Variants in ABCB1 observed in about 807,000 individuals in gnomAD.
The protein encoded by ABCB1 is ATP-dependent translocase ABCB1.
Under a neutral mutation model 142.0 loss-of-function variants are expected in ABCB1, and 69 were observed. The observed-to-expected ratio is 0.49, with a 90% CI of 0.40 to 0.59. The LOEUF is 0.59. Ranked by LOEUF, ABCB1 falls within the 20% of genes least tolerant of loss-of-function variation. ABCB1 has a pLI of 0.00. For missense variants in ABCB1, 1,326 were observed against 1,554.7 expected (o/e 0.85, Z 2.47); for synonymous variants, 532 against 539.2 (o/e 0.99, Z 0.18).
chr7:87,575,404 C>T (rs1818231855), intron 4 of ABCB1, among the ~76,000 whole-genome samples: 1 of 152,060 alleles, frequency 6.6e-6, no homozygotes, highest in African/African-American at 2.4e-5. Context: ...AGAATGAGAG[C>T]CACTTTCTCT....
rs1417543991 is a variant in ABCB1 at position 87,503,523 on chromosome 7, A to G, written c.*720T>C. 6.6e-6 allele frequency: 1 copy of G among 152,232 alleles called. No individual in the cohort carries two copies. Among genetic ancestry groups the G allele is most frequent in the Non-Finnish European group, 1.5e-5 (1 of 68,048 alleles). 9.4% of individuals were successfully genotyped at this position (152,232 alleles called of 1,614,324 possible). The stretch of plus-strand genomic sequence containing the variant: ...CCTTAAAGAACCCTTTATAAAAGCA[A>G]TGCAAAGTATTTACTATACATCTGA... On this transcript the variant is annotated 3_prime_UTR_variant, in exon 28 of 28. Transcript: ENST00000622132.
chr7:87,594,169 A>G (rs1005478811), intron 3 of ABCB1, among the ~76,000 whole-genome samples: 1 of 152,212 alleles, frequency 6.6e-6, no homozygotes, highest in Admixed American at 6.5e-5. Context: ...TAAGTAGTAG[A>G]GTACTTCATC....
chr7:87,590,487 G>T (rs980473588), intron 3 of ABCB1, among the ~76,000 whole-genome samples: 3 of 152,182 alleles, frequency 2.0e-5, no homozygotes, highest in African/African-American at 7.2e-5. Flanking sequence ...GGTTTAGATT[G>T]GCTGGTCAGA....
intron 1 of ABCB1, chr7:87,627,682 T>G (rs1584937637): frequency 6.6e-6 from 1 of 152,210 alleles, no homozygotes; most frequent in East Asian, 1.9e-4. Flanking sequence ...GTTCCAGGAC[T>G]CTGAGGGAGC....
chr7:87,525,577 A>C (rs1347945961), intron 21 of ABCB1, among the ~76,000 whole-genome samples: 8 of 152,256 alleles, frequency 5.3e-5, no homozygotes, highest in Admixed American at 5.2e-4. Flanking sequence ...TAATAAAGTA[A>C]GCTAGAGGGA....
chr7:87,694,707 G>A (rs1283514132), intron 1 of ABCB1, among the ~76,000 whole-genome samples: 1 of 152,018 alleles, frequency 6.6e-6, no homozygotes, highest in African/African-American at 2.4e-5. Context: ...CGTCATGTAC[G>A]ATTTCATTCC....
At chr7:87,583,978 T>C (rs140584864) in intron 4 of ABCB1, among the ~76,000 whole-genome samples, 192 of 152,282 alleles carry the variant, frequency 1.3e-3, no homozygotes, top group African/African-American at 4.2e-3. Flanking sequence ...TAGGAACTAA[T>C]GAATTCAGAA....
intron 1 of ABCB1, among the ~76,000 whole-genome samples, chr7:87,626,336 G>GTGTCATATATATGTGTCATA (rs1820528696): frequency 1.6e-4 from 2 of 12,158 alleles, no homozygotes; most frequent in African/African-American, 5.3e-4. Flanking sequence ...TATATGTGTC[G>GTGTCATATATATGTGTCATA]TATATGTGTC....
chr7:87,668,107 T>C (rs1825450654), intron 1 of ABCB1, among the ~76,000 whole-genome samples: 1 of 151,724 alleles, frequency 6.6e-6, no homozygotes, highest in Admixed American at 6.6e-5. Context: ...TATGAATCCA[T>C]CAGGCCCTTG....
At chr7:87,673,048 A>G (rs1394988299) in intron 1 of ABCB1, among the ~76,000 whole-genome samples, 1 of 151,382 alleles carries the variant, frequency 6.6e-6, no homozygotes, top group Admixed American at 6.6e-5. Flanking sequence ...AGGACCCCAA[A>G]CTCTTCTGGT....
chr7:87,513,722 C>T (rs1048821638), intron 25 of ABCB1, among the ~76,000 whole-genome samples: 1 of 152,192 alleles, frequency 6.6e-6, no homozygotes, highest in African/African-American at 2.4e-5. Flanking sequence ...AAATCCTTAT[C>T]TCTTAAGAAC....
chr7:87,685,742 C>T (rs1827394567), intron 1 of ABCB1, among the ~76,000 whole-genome samples: 1 of 152,112 alleles, frequency 6.6e-6, no homozygotes, highest in Admixed American at 6.6e-5. Context: ...TGTTATGTGT[C>T]TCATAATCAT....
In ABCB1 at chr7:87,711,361, T is replaced by C. The variant is rs533365656; in HGVS notation, c.-331+1800A>G. On this transcript the variant is annotated intron_variant, in intron 1 of 28. Coordinates refer to the ABCB1 transcript ENST00000265724. The stretch of plus-strand genomic sequence containing the variant: ...ATATATATAAAATTAATAATTTACT[T>C]ATTTAATTCATATGTATAATTAGTT... 1.3e-4 allele frequency among the ~76,000 whole-genome samples: 19 copies of C among 151,924 alleles called. No individual in the cohort carries two copies. In the South Asian group the frequency reaches 3.7e-3, roughly 30 times the overall value.
chr7:87,690,187 T>A (rs1827880423), intron 1 of ABCB1, among the ~76,000 whole-genome samples: 1 of 152,076 alleles, frequency 6.6e-6, no homozygotes. Flanking sequence ...ATATTTGATA[T>A]AATTTAAAAT....
chr7:87,648,929 A>T (rs1176702992), intron 1 of ABCB1, among the ~76,000 whole-genome samples: 1 of 152,102 alleles, frequency 6.6e-6, no homozygotes, highest in Non-Finnish European at 1.5e-5. Flanking sequence ...AACCTATATA[A>T]ACAAATCTTT....
intron 1 of ABCB1, among the ~76,000 whole-genome samples, chr7:87,607,718 A>ATT (rs35644241): frequency 6.6e-6 from 1 of 150,900 alleles, no homozygotes; most frequent in Non-Finnish European, 1.5e-5. Flanking sequence ...TGCCTGGCTA[A>ATT]TTTTTTTTTG....
At chr7:87,515,578 A>C (rs530058678) in intron 24 of ABCB1, 150 bp from the exon 25 acceptor site, 4 of 443,514 alleles carry the variant, frequency 9.0e-6, no homozygotes, top group Non-Finnish European at 1.5e-5. Context: ...TTTTATTTTA[A>C]TTTTATTATT....
intron 1 of ABCB1, among the ~76,000 whole-genome samples, chr7:87,648,442 A>G (rs1039905640): frequency 6.6e-5 from 10 of 152,134 alleles, no homozygotes; most frequent in African/African-American, 2.4e-4. Flanking sequence ...TTCACATTAA[A>G]GGGCTTCTCA....
chr7:87,630,808 G>A (rs758087573), intron 1 of ABCB1, among the ~76,000 whole-genome samples: 1 of 151,460 alleles, frequency 6.6e-6, no homozygotes, highest in Non-Finnish European at 1.5e-5. Flanking sequence ...GTCTTGGCTG[G>A]CTTTAGGTCA....
Sources: gnomAD v4.1 joint callset for allele counts (sites outside exome capture counted in the v4.1 genomes callset) on GRCh38, gnomAD v4.1.1 for gene constraint, MANE v1.5 for transcripts, NCBI Gene and HGNC (gene_info 2026-07-23, HGNC 2026-07-21) for gene names.